The following NTN1 variants were observed in gnomAD, a reference collection of about 807,000 sequenced individuals.
NTN1 encodes the protein netrin-1.
A neutral mutation model predicts 54.2 loss-of-function variants in NTN1; 11 were observed. That is an observed-to-expected ratio of 0.20 (90% CI 0.13 to 0.34). NTN1 has a LOEUF of 0.34. Among genes scored for constraint, NTN1 ranks in the 10% least tolerant of loss-of-function variants. The pLI is 1.00. For missense variants in NTN1, 740 were observed against 893.1 expected (o/e 0.83, Z 2.18); for synonymous variants, 371 against 382.0 (o/e 0.97, Z 0.33).
chr17:9,039,968 A>G (rs2091916192), intron 2 of NTN1, among the ~76,000 whole-genome samples: 1 of 152,214 alleles, frequency 6.6e-6, no homozygotes. Context: ...AAGTCTTTGC[A>G]TGGACATACA....
intron 2 of NTN1, among the ~76,000 whole-genome samples, chr17:9,103,640 C>T (rs1441453837): frequency 2.0e-5 from 3 of 152,018 alleles, no homozygotes; most frequent in South Asian, 2.1e-4. Flanking sequence ...TACCCAGTTT[C>T]GGGTATGTCT....
chr17:9,202,406 C>T (rs7212084), intron 5 of NTN1, among the ~76,000 whole-genome samples: 95,965 of 152,026 alleles, frequency 0.63, 31,049 homozygotes, highest in East Asian at 0.98. Flanking sequence ...AGGGCAGCTG[C>T]GTCTCTGGCT....
At chr17:9,143,055 A>G (rs2142281769) in intron 2 of NTN1, among the ~76,000 whole-genome samples, 1 of 152,306 alleles carries the variant, frequency 6.6e-6, no homozygotes, top group South Asian at 2.1e-4. Flanking sequence ...CAAATGGGCT[A>G]AGACCTGGAG....
chr17:9,115,673 T>TC (rs1439543737), intron 2 of NTN1, among the ~76,000 whole-genome samples: 7 of 151,950 alleles, frequency 4.6e-5, no homozygotes, highest in South Asian at 4.2e-4. Context: ...GACTCATCCT[T>TC]CCCCCCCGGG....
At chr17:9,194,992 C>T (rs1458615272) in intron 5 of NTN1, among the ~76,000 whole-genome samples, 1 of 152,064 alleles carries the variant, frequency 6.6e-6, no homozygotes, top group African/African-American at 2.4e-5. Flanking sequence ...AAGTCAGTTT[C>T]CCCTCTCTTC....
chr17:9,166,283 GT>G (rs2142302653), intron 3 of NTN1, among the ~76,000 whole-genome samples: 1 of 148,332 alleles, frequency 6.7e-6, no homozygotes, highest in Admixed American at 6.8e-5. Context: ...ATATTTGACA[GT>G]TTGCTCTCAG....
At chr17:9,187,841 AGAAAT>A (rs1241962294) in intron 5 of NTN1, among the ~76,000 whole-genome samples, 2 of 152,028 alleles carry the variant, frequency 1.3e-5, no homozygotes, top group Non-Finnish European at 2.9e-5. Flanking sequence ...AAAAAAAAAA[AGAAAT>A]GAAGTTCTGA....
chr17:9,128,681 C>T (rs1462472608), intron 2 of NTN1, among the ~76,000 whole-genome samples: 1 of 152,130 alleles, frequency 6.6e-6, no homozygotes, highest in African/African-American at 2.4e-5. Context: ...CTTGGTATAC[C>T]GGGTCCCTGT....
intron 2 of NTN1, among the ~76,000 whole-genome samples, chr17:9,078,057 TATCCATCCATCCATCCATCC>T (rs111350777): frequency 3.3e-5 from 5 of 151,522 alleles, no homozygotes; most frequent in African/African-American, 7.3e-5. Context: ...CCCATCCATC[TATCCATCCATCCATCCATCC>T]ATCCATCCAT....
chr17:9,226,419 GGCGGTCTC>G (rs1315851090), intron 6 of NTN1, among the ~76,000 whole-genome samples: 13 of 145,296 alleles, frequency 8.9e-5, no homozygotes, highest in Admixed American at 6.9e-5. Flanking sequence ...GCCGTGGGGA[GGCGGTCTC>G]GTGGGGAGGC....
At chr17:9,144,306 G>A (rs2092307014) in intron 2 of NTN1, among the ~76,000 whole-genome samples, 2 of 152,082 alleles carry the variant, frequency 1.3e-5, no homozygotes, top group Non-Finnish European at 2.9e-5. Context: ...GCCTGGACCT[G>A]CTGTCAGGAG....
At chr17:9,206,874 C>G (rs1904981828) in intron 5 of NTN1, among the ~76,000 whole-genome samples, 1 of 152,252 alleles carries the variant, frequency 6.6e-6, no homozygotes, top group Admixed American at 6.5e-5. Flanking sequence ...CGGAGCCACA[C>G]TCTCCAAGCT....
chr17:9,031,446 C>T (rs940854), intron 2 of NTN1, among the ~76,000 whole-genome samples: 80,868 of 151,974 alleles, frequency 0.53, 22,189 homozygotes, highest in East Asian at 0.74. Flanking sequence ...CCTCCTAAGT[C>T]GAGAAATGAT....
chr17:9,029,792 G>A (rs983011492), intron 2 of NTN1, among the ~76,000 whole-genome samples: 2 of 152,128 alleles, frequency 1.3e-5, no homozygotes, highest in Non-Finnish European at 2.9e-5. Context: ...AGGAGATGGA[G>A]ACCATCCTGG....
At position 9,078,057 on chromosome 17, in the gene NTN1, TATCCATCCATCC is replaced by T. The variant is rs111350777; in HGVS notation, c.1018+54696_1018+54707del. On this transcript the variant is annotated intron_variant, in intron 2 of 6. Transcript: ENST00000173229. ...TTGTTAATTTGCCTGCCCATCCATC[TATCCATCCATCC>T]ATCCATCCATCCATCCATCCATCCA... Among the ~76,000 whole-genome samples the T allele has an allele frequency of 6.0e-3, 912 of 151,632 alleles. 11 individuals are homozygous for T. The highest frequency in any genetic ancestry group is 0.02 in the African/African-American group (822 of 41,230).
intron 2 of NTN1, among the ~76,000 whole-genome samples, chr17:9,157,611 G>T (rs185621335): frequency 1.3e-5 from 2 of 152,348 alleles, no homozygotes; most frequent in East Asian, 3.9e-4. Context: ...GTTATGCCCT[G>T]GGTCTGAAAT....
chr17:9,124,986 CTT>C (rs1023790881), intron 2 of NTN1, among the ~76,000 whole-genome samples: 2 of 152,166 alleles, frequency 1.3e-5, no homozygotes, highest in Admixed American at 6.5e-5. Context: ...AGCAGTCACT[CTT>C]TGTTGTTGTT....
At chr17:9,097,755 C>G (rs2092136734) in intron 2 of NTN1, among the ~76,000 whole-genome samples, 1 of 152,266 alleles carries the variant, frequency 6.6e-6, no homozygotes, top group African/African-American at 2.4e-5. Flanking sequence ...GCGCTTTTAT[C>G]ACTTAATATA....
At chr17:9,020,845 C>T (rs2091843673), upstream of NTN1, among the ~76,000 whole-genome samples, 1 of 152,224 alleles carries the variant, frequency 6.6e-6, no homozygotes, top group South Asian at 2.1e-4. Flanking sequence ...GCTCCCTTGG[C>T]TAGAACGAAG....
Sources: allele counts gnomAD v4.1 joint callset (sites outside exome capture counted in the v4.1 genomes callset), GRCh38; gene constraint gnomAD v4.1.1; transcripts MANE v1.5; gene names NCBI Gene and HGNC (gene_info 2026-07-23, HGNC 2026-07-21).